DAB1: variants seen among roughly 807,000 people sequenced by gnomAD.
The protein encoded by DAB1 is DAB adaptor protein 1, also known as disabled homolog 1.
A neutral mutation model predicts 64.6 loss-of-function variants in DAB1; 15 were observed. The ratio of observed to expected loss-of-function variants is 0.23; its 90% confidence interval spans 0.16 to 0.36. The LOEUF (loss-of-function observed/expected upper bound fraction) is 0.36, where lower values mean the gene tolerates loss of function less well. Ranked by LOEUF, DAB1 falls within the 10% of genes least tolerant of loss-of-function variation. DAB1 has a pLI of 1.00. For missense variants in DAB1, 596 were observed against 706.7 expected (o/e 0.84, Z 1.78); for synonymous variants, 235 against 251.9 (o/e 0.93, Z 0.64).
intron 5 of DAB1, among the ~76,000 whole-genome samples, chr1:57,922,408 A>C (rs1050188646): frequency 1.3e-5 from 2 of 152,086 alleles, no homozygotes. Flanking sequence ...GGAAGAAGGA[A>C]GGGAGGAAGT....
intron 9 of DAB1, among the ~76,000 whole-genome samples, chr1:57,041,736 T>C (rs1647817103): frequency 6.6e-6 from 1 of 152,204 alleles, no homozygotes; most frequent in Non-Finnish European, 1.5e-5. Context: ...AACAATTCAA[T>C]ACAGTATCCT....
At chr1:57,952,930 A>G (rs1557574863) in intron 5 of DAB1, among the ~76,000 whole-genome samples, 1 of 152,118 alleles carries the variant, frequency 6.6e-6, no homozygotes, top group Non-Finnish European at 1.5e-5. Flanking sequence ...ACTTGCACCG[A>G]TCATAATCAC....
chr1:58,192,621 T>C lies in DAB1; in HGVS notation n.310-42033A>G, dbSNP rs140509310. Among the ~76,000 whole-genome samples, 25 of 152,272 alleles carry C rather than the reference T, an allele frequency of 1.6e-4. No homozygotes were observed. The East Asian group carries it at 4.4e-3, about 27-fold the overall frequency. On this transcript the variant is annotated intron_variant and non_coding_transcript_variant, in intron 4 of 20. Transcript: ENST00000485760. ...TCATTTGTTTTGTGGCTGAATAGTA[T>C]TCCATGTGTGCGTGTGTGTATGTGT... is the stretch of plus-strand genomic sequence containing the variant.
chr1:57,193,201 T>A (rs1664293972), intron 2 of DAB1, among the ~76,000 whole-genome samples: 1 of 151,706 alleles, frequency 6.6e-6, no homozygotes. Flanking sequence ...TTGACCAACA[T>A]CTCCCCAACC....
At chr1:57,588,587 A>T (rs1445419058) in intron 7 of DAB1, among the ~76,000 whole-genome samples, 1 of 152,216 alleles carries the variant, frequency 6.6e-6, no homozygotes, top group Non-Finnish European at 1.5e-5. Flanking sequence ...AGGGAAAAAG[A>T]CACAGAGCAA....
intron 6 of DAB1, among the ~76,000 whole-genome samples, chr1:57,738,231 C>G (rs3131732): frequency 6.6e-6 from 1 of 152,112 alleles, no homozygotes; most frequent in Non-Finnish European, 1.5e-5. Context: ...ATTACAGACT[C>G]TTTTGAAGGT....
intron 1 of DAB1, among the ~76,000 whole-genome samples, chr1:57,400,986 T>C (rs574644082): frequency 7.8e-6 from 1 of 127,782 alleles, no homozygotes; most frequent in African/African-American, 2.9e-5. Context: ...GGGTGAAAGC[T>C]CTCTCTTAAA....
intron 2 of DAB1, among the ~76,000 whole-genome samples, chr1:57,184,995 G>A (rs1429019703): frequency 6.6e-6 from 1 of 152,088 alleles, no homozygotes; most frequent in Non-Finnish European, 1.5e-5. Context: ...TAAACTCACT[G>A]ACTCTCATCC....
Position 57,638,123 on chromosome 1 carries a change from G to A in DAB1, n.625+11469C>T, listed in dbSNP as rs1300246668. Among the ~76,000 whole-genome samples the A allele has an allele frequency of 2.0e-5, 3 of 151,842 alleles. No individual in the cohort carries two copies. In the East Asian group the frequency reaches 5.8e-4, roughly 29 times the overall value. On this transcript the variant is annotated intron_variant and non_coding_transcript_variant, in intron 7 of 20. Transcript: ENST00000485760. ...GAAAAAATAAATATACCCAAATGAG[G>A]GATGATGGTTATTTTTTGTTTTTTG...
intron 7 of DAB1, among the ~76,000 whole-genome samples, chr1:57,576,334 T>C (rs917447923): frequency 2.0e-5 from 3 of 152,288 alleles, no homozygotes; most frequent in East Asian, 3.9e-4. Context: ...AATGGGCTTA[T>C]TGGGATAAAA....
chr1:58,314,885 A>G (rs1307974191), intron 4 of DAB1, among the ~76,000 whole-genome samples: 3 of 152,204 alleles, frequency 2.0e-5, no homozygotes, highest in Admixed American at 1.3e-4. Context: ...TCACATCTCC[A>G]TAAGAGGTGG....
intron 3 of DAB1, among the ~76,000 whole-genome samples, chr1:58,482,402 C>T (rs1003017279): frequency 3.3e-5 from 5 of 151,996 alleles, no homozygotes; most frequent in Non-Finnish European, 2.9e-5. Context: ...AAGTAACTAG[C>T]CTTAGAACTA....
chr1:57,223,912 G>A (rs2100396781), intron 2 of DAB1, among the ~76,000 whole-genome samples: 1 of 152,238 alleles, frequency 6.6e-6, no homozygotes, highest in East Asian at 1.9e-4. Context: ...TGATATCATG[G>A]GGAAAACTGG....
intron 3 of DAB1, among the ~76,000 whole-genome samples, chr1:58,413,130 T>C (rs1162539235): frequency 2.0e-5 from 3 of 152,208 alleles, no homozygotes; most frequent in African/African-American, 7.2e-5. Flanking sequence ...GAACAGTCTA[T>C]GATTCTGTGA....
In DAB1 at chr1:57,035,974, C is replaced by T. The variant is rs1197588138; in HGVS notation, c.724-9931G>A. On this transcript the variant is annotated intron_variant, in intron 9 of 14. Coordinates refer to ENST00000371236, the MANE Select transcript of DAB1 (RefSeq NM_001365792.1). ...TCTCCTGCCTCAGCCTCCCGAGTAG[C>T]TGGAATTATAGGTGCATACCACCAT... 2.7e-5 allele frequency among the ~76,000 whole-genome samples: 4 copies of T among 150,322 alleles called. No individual in the cohort carries two copies. The East Asian group carries it at 5.9e-4, about 22-fold the overall frequency.
chr1:58,160,559 G>A (rs768692732), intron 4 of DAB1, among the ~76,000 whole-genome samples: 11 of 152,060 alleles, frequency 7.2e-5, no homozygotes, highest in East Asian at 1.9e-4. Flanking sequence ...AGATACACAC[G>A]GGCTGGGCCT....
In DAB1 at chr1:57,255,717, G is replaced by A. The variant is rs141599281; in HGVS notation, c.67+35247C>T. Among the ~76,000 whole-genome samples the A allele has an allele frequency of 9.1e-4, 138 of 152,132 alleles. 1 individual carries two copies. Among genetic ancestry groups the A allele is most frequent in the African/African-American group, 2.8e-3 (116 of 41,530 alleles). On this transcript the variant is annotated intron_variant, in intron 2 of 14. Coordinates refer to ENST00000371236, the MANE Select transcript of DAB1 (RefSeq NM_001365792.1). ...CTTTAAGAATATTCTACCTTCTTAC[G>A]GAGTCTACAGACTAAACCAGAATAT...
intron 4 of DAB1, among the ~76,000 whole-genome samples, chr1:58,286,188 T>C (rs557887075): frequency 2.0e-5 from 3 of 152,270 alleles, no homozygotes; most frequent in African/African-American, 7.2e-5. Context: ...AATACTTCAA[T>C]GTAAAGCCCA....
At chr1:57,092,679 G>GT (rs1491230897) in intron 4 of DAB1, among the ~76,000 whole-genome samples, 1 of 121,538 alleles carries the variant, frequency 8.2e-6, no homozygotes, top group African/African-American at 3.1e-5. Context: ...GGGGAGGGGG[G>GT]TGGGGGGGCA....
Sources: gnomAD v4.1 joint callset for allele counts (sites outside exome capture counted in the v4.1 genomes callset) on GRCh38, gnomAD v4.1.1 for gene constraint, MANE v1.5 for transcripts, NCBI Gene and HGNC (gene_info 2026-07-23, HGNC 2026-07-21) for gene names.